The following LIMS1 variants were observed in gnomAD, a reference collection of about 807,000 sequenced individuals.
The protein encoded by LIMS1 is LIM zinc finger domain containing 1.
In LIMS1, 18 loss-of-function variants were observed where a neutral mutation model predicts 44.1. The ratio of observed to expected loss-of-function variants is 0.41; its 90% CI spans 0.28 to 0.61. The LOEUF is 0.61. Among genes scored for constraint, LIMS1 ranks in the 20% least tolerant of loss-of-function variants. The pLI is 0.32. For synonymous variants in LIMS1, 93 were observed against 149.1 expected (o/e 0.62, Z 2.74); for missense variants, 201 against 422.0 (o/e 0.48, Z 4.59).
At chr2:108,550,224 G>A (rs950894123) in intron 1 of LIMS1, among the ~76,000 whole-genome samples, 10 of 152,112 alleles carry the variant, frequency 6.6e-5, no homozygotes, top group African/African-American at 2.2e-4. Flanking sequence ...GGCTGGGCGC[G>A]GTGGCTCACC....
intron 1 of LIMS1, chr2:108,621,181 GT>G (rs1430351914): frequency 8.2e-7 from 1 of 1,225,440 alleles, no homozygotes; most frequent in African/African-American, 1.5e-5. Flanking sequence ...TGAGGAGGGT[GT>G]GTACCAGTGA....
intron 1 of LIMS1, among the ~76,000 whole-genome samples, chr2:108,537,687 G>T (rs1684186580): frequency 6.6e-6 from 1 of 152,222 alleles, no homozygotes; most frequent in Admixed American, 6.5e-5. Context: ...TGCAGGCTTA[G>T]AGAAAACTGT....
chr2:108,586,221 A>C (rs1686095983), intron 1 of LIMS1, among the ~76,000 whole-genome samples: 2 of 152,090 alleles, frequency 1.3e-5, no homozygotes, highest in Admixed American at 1.3e-4. Flanking sequence ...AAAAACAAAC[A>C]AAAAAAGAAA....
chr2:108,668,402 A>G (rs561219144), intron 2 of LIMS1, among the ~76,000 whole-genome samples: 2 of 152,092 alleles, frequency 1.3e-5, no homozygotes, highest in South Asian at 2.1e-4. Context: ...AGCAACCTCT[A>G]TTTTACTCTC....
chr2:108,650,131 A>G (rs886710359), intron 1 of LIMS1, among the ~76,000 whole-genome samples: 1 of 152,170 alleles, frequency 6.6e-6, no homozygotes, highest in African/African-American at 2.4e-5. Context: ...CCCTACTTCA[A>G]TGGCTATTCT....
chr2:108,653,105 G>A (rs2433804), intron 1 of LIMS1, among the ~76,000 whole-genome samples: 85 of 151,878 alleles, frequency 5.6e-4, no homozygotes, highest in South Asian at 5.2e-3. Flanking sequence ...GATTTTTAGG[G>A]TTCAAAGTAG....
intron 9 of LIMS1, chr2:108,681,427 C>CT (rs869039624): frequency 6.0e-4 from 509 of 851,286 alleles, no homozygotes; most frequent in Non-Finnish European, 6.3e-4. Flanking sequence ...ACATTTCTTT[C>CT]TTTTTTTTTT....
At chr2:108,551,570 A>G (rs2104589554) in intron 1 of LIMS1, among the ~76,000 whole-genome samples, 1 of 144,406 alleles carries the variant, frequency 6.9e-6, no homozygotes, top group South Asian at 2.1e-4. Flanking sequence ...GGACGTTCAG[A>G]TTGAAAATGA....
intron 1 of LIMS1, chr2:108,607,214 G>A (rs1290882360): frequency 6.4e-7 from 1 of 1,550,852 alleles, no homozygotes. Flanking sequence ...AGCTTGGACA[G>A]CCAGCTGATG....
At chr2:108,663,846 G>A (rs552666930) in intron 2 of LIMS1, among the ~76,000 whole-genome samples, 1 of 151,776 alleles carries the variant, frequency 6.6e-6, no homozygotes, top group Admixed American at 6.6e-5. Context: ...CCTCCACCTT[G>A]CGGCCTCGAG....
chr2:108,677,303 C>G (rs1692635152), intron 7 of LIMS1: 1 of 152,516 alleles, frequency 6.6e-6, no homozygotes, highest in African/African-American at 2.4e-5. Context: ...CTACTTTCCA[C>G]TTGGGTTCAC....
At position 108,542,048 on chromosome 2, in the gene LIMS1, G is replaced by C. The variant is rs1573293857; in HGVS notation, c.32+7454G>C. ...CAAAGAAAAACAAGCTGCACAGTAG[G>C]CTTTATTTCTCCTTTTATTTGTTGT... is the stretch of plus-strand genomic sequence containing the variant. On this transcript the variant is annotated intron_variant, in intron 1 of 9. Transcript: ENST00000544547. Among the ~76,000 whole-genome samples, 3 of 152,178 alleles carry C rather than the reference G, an allele frequency of 2.0e-5. No individual in the cohort carries two copies. In the East Asian group the frequency reaches 5.8e-4, roughly 29 times the overall value.
At chr2:108,549,295 T>C (rs967790661) in intron 1 of LIMS1, among the ~76,000 whole-genome samples, 157 of 121,416 alleles carry the variant, frequency 1.3e-3, no homozygotes, top group African/African-American at 4.8e-3. Flanking sequence ...TTTTTTTTTT[T>C]TTTTTTTTTT....
chr2:108,670,411 G>A (rs1381281857), intron 2 of LIMS1, among the ~76,000 whole-genome samples: 1 of 151,774 alleles, frequency 6.6e-6, no homozygotes, highest in Non-Finnish European at 1.5e-5. Flanking sequence ...CCTGAAAAAT[G>A]TGGGAGGAGA....
chr2:108,607,889 T>C (rs1205140180), intron 1 of LIMS1, among the ~76,000 whole-genome samples: 1 of 152,192 alleles, frequency 6.6e-6, no homozygotes, highest in African/African-American at 2.4e-5. Flanking sequence ...CTCTGAAAAT[T>C]GTGTGCCTGT....
At chr2:108,598,913 A>G (rs1686858037) in intron 1 of LIMS1, among the ~76,000 whole-genome samples, 2 of 152,104 alleles carry the variant, frequency 1.3e-5, no homozygotes, top group Admixed American at 6.6e-5. Context: ...AGTTCTTCCT[A>G]TTAAGGAGGA....
At chr2:108,564,543 A>G (rs921786547) in intron 1 of LIMS1, among the ~76,000 whole-genome samples, 3 of 152,138 alleles carry the variant, frequency 2.0e-5, no homozygotes, top group Admixed American at 6.5e-5. Context: ...CAGAGACCCA[A>G]TCCACTTGAG....
At chr2:108,673,178 T>C in intron 5 of LIMS1, 149 bp downstream of exon 5, 2 of 1,240,772 alleles carry the variant, frequency 1.6e-6, no homozygotes, top group Non-Finnish European at 2.2e-6. Flanking sequence ...AAGAGAATGA[T>C]ATAATGAAAC....
At chr2:108,598,643 G>A (rs1686844198) in intron 1 of LIMS1, among the ~76,000 whole-genome samples, 2 of 152,220 alleles carry the variant, frequency 1.3e-5, no homozygotes, top group Admixed American at 1.3e-4. Flanking sequence ...AGGCAGATGT[G>A]TGCCAGTCTG....
Sources: gnomAD v4.1 joint callset for allele counts (sites outside exome capture counted in the v4.1 genomes callset) on GRCh38, gnomAD v4.1.1 for gene constraint, MANE v1.5 for transcripts, NCBI Gene and HGNC (gene_info 2026-07-23, HGNC 2026-07-21) for gene names.